The following SLC25A14 variants were observed in gnomAD, a reference collection of about 807,000 sequenced individuals.
SLC25A14 encodes solute carrier family 25 member 14.
SLC25A14 carries 8 observed loss-of-function variants against 28.1 expected under a neutral mutation model. The ratio of observed to expected loss-of-function variants is 0.28; its 90% CI spans 0.17 to 0.51. The LOEUF (loss-of-function observed/expected upper bound fraction) is 0.51. Ranked by LOEUF, SLC25A14 falls within the 20% of genes least tolerant of loss-of-function variation. SLC25A14 has a pLI of 0.97. For missense variants in SLC25A14, 135 were observed against 263.8 expected (o/e 0.51, Z 3.38); for synonymous variants, 74 against 90.6 (o/e 0.82, Z 1.04).
At chrX:130,342,646 A>G (rs750156420) in intron 2 of SLC25A14, among the ~76,000 whole-genome samples, 12 of 110,854 alleles carry the variant, frequency 1.1e-4, no homozygotes, top group Non-Finnish European at 2.1e-4. Context: ...TTTTCCTAAC[A>G]TTGGAGTGAA....
chrX:130,371,662 G>A lies in SLC25A14; in HGVS notation c.936+18G>A, dbSNP rs1347610387. ...ACATCATTGTATCCTTTGAGAGAAT[G>A]AAAGCAAGTGCTTCAAGCTCCCAGA... On this transcript the variant is annotated intron_variant, in intron 10 of 10. Transcript: ENST00000545805. 9.0e-7 allele frequency: 1 copy of A among 1,111,015 alleles called. No homozygotes were observed. The highest frequency in any genetic ancestry group is 1.8e-5 in the South Asian group (1 of 54,159). The allele number at this position is 1,111,015 out of a possible 1,213,427, so 91.6% of individuals were successfully genotyped here.
At chrX:130,350,444 T>A (rs990441085) in intron 5 of SLC25A14, among the ~76,000 whole-genome samples, 3 of 111,741 alleles carry the variant, frequency 2.7e-5, no homozygotes, top group African/African-American at 9.7e-5. Flanking sequence ...TTAGAAATGA[T>A]TTATATTTTA....
At chrX:130,343,392 A>G (rs149003340) in intron 2 of SLC25A14, among the ~76,000 whole-genome samples, 194 of 111,748 alleles carry the variant, frequency 1.7e-3, no homozygotes, top group African/African-American at 6.1e-3. Flanking sequence ...CAAGACTCCT[A>G]TTTCCAGCTG....
At chrX:130,358,200 C>T (rs963668977) in intron 6 of SLC25A14, among the ~76,000 whole-genome samples, 2 of 111,974 alleles carry the variant, frequency 1.8e-5, no homozygotes, top group Non-Finnish European at 3.8e-5. Context: ...TCAGTGTCAG[C>T]AAATACCATT....
chrX:130,368,965 C>A (rs1327071211), intron 9 of SLC25A14, among the ~76,000 whole-genome samples: 1 of 112,587 alleles, frequency 8.9e-6, no homozygotes, highest in African/African-American at 3.2e-5. Context: ...TAATAGCAGT[C>A]ATTCTTTAAA....
intron 8 of SLC25A14, 165 bp downstream of exon 8, chrX:130,364,917 C>T: frequency 9.9e-7 from 1 of 1,010,890 alleles, no homozygotes; most frequent in Non-Finnish European, 1.3e-6. Context: ...TTATACTTCA[C>T]AGAAATGCCA....
intron 10 of SLC25A14, among the ~76,000 whole-genome samples, chrX:130,372,146 G>A (rs1035760237): frequency 8.9e-6 from 1 of 112,208 alleles, no homozygotes; most frequent in Non-Finnish European, 1.9e-5. Context: ...TGTGTGTGGT[G>A]TTGTGTGTAT....
intron 6 of SLC25A14, among the ~76,000 whole-genome samples, chrX:130,353,138 A>C (rs1050129605): frequency 8.9e-6 from 1 of 111,948 alleles, no homozygotes; most frequent in African/African-American, 3.2e-5. Flanking sequence ...ATAGCTAGTC[A>C]GCTGTCCCAG....
rs774366850 is a variant in SLC25A14 at position 130,350,748 on chromosome X, G to A, written c.498+17G>A. ...GTTCTAAAGGTAAGAGAGATACAGTGTGATTTGAAAGGAGCATAACTTTGA... is the reference window on the plus strand; with the variant it reads ...GTTCTAAAGGTAAGAGAGATACAGTATGATTTGAAAGGAGCATAACTTTGA... On this transcript the variant is annotated intron_variant, in intron 6 of 10. Coordinates refer to ENST00000545805, the MANE Select transcript of SLC25A14 (RefSeq NM_001282195.2). 4.0e-5 allele frequency: 41 copies of A among 1,036,238 alleles called. No homozygotes were observed. Among genetic ancestry groups the A allele is most frequent in the Non-Finnish European group, 1.7e-5 (13 of 751,981 alleles). The allele number at this position is 1,036,238 out of a possible 1,213,427, so 85.4% of individuals were successfully genotyped here.
chrX:130,355,821 T>G (rs1355073439), intron 6 of SLC25A14, among the ~76,000 whole-genome samples: 8 of 112,242 alleles, frequency 7.1e-5, no homozygotes, highest in Non-Finnish European at 1.5e-4. Flanking sequence ...ATTTGCTTTT[T>G]GCCATTAACT....
At chrX:130,350,784 G>A (rs1276224758) in intron 6 of SLC25A14, 53 bp downstream of exon 6, 10 of 787,890 alleles carry the variant, frequency 1.3e-5, no homozygotes, top group Non-Finnish European at 1.9e-5. Context: ...GTCAGATTTG[G>A]GTTCAGATTC....
At chrX:130,347,230 A>T (rs1438789439) in intron 4 of SLC25A14, among the ~76,000 whole-genome samples, 1 of 111,231 alleles carries the variant, frequency 9.0e-6, no homozygotes, top group Non-Finnish European at 1.9e-5. Context: ...TTACTCAGAG[A>T]ATAGACATCA....
At chrX:130,348,780 A>ACC (rs3084881) in intron 4 of SLC25A14, among the ~76,000 whole-genome samples, 28 of 46,301 alleles carry the variant, frequency 6.0e-4, no homozygotes, top group Non-Finnish European at 7.0e-4. Flanking sequence ...TTGAGACTCT[A>ACC]CCCCCCCCCC....
intron 8 of SLC25A14, 134 bp downstream of exon 8, chrX:130,364,886 A>G: frequency 1.9e-6 from 2 of 1,076,078 alleles, no homozygotes; most frequent in Non-Finnish European, 2.4e-6. Flanking sequence ...TATTATCAGA[A>G]CTTCAAGCCT....
intron 7 of SLC25A14, among the ~76,000 whole-genome samples, chrX:130,360,121 G>T (rs2033925059): frequency 3.0e-5 from 3 of 99,982 alleles, no homozygotes; most frequent in Non-Finnish European, 6.0e-5. Flanking sequence ...TGCCTAGGCT[G>T]GTCTTGATCT....
At chrX:130,364,472 A>G (rs189048709) in intron 7 of SLC25A14, among the ~76,000 whole-genome samples, 156 bp from the exon 8 acceptor site, 5 of 111,131 alleles carry the variant, frequency 4.5e-5, no homozygotes, top group African/African-American at 9.8e-5. Context: ...GGAAATTTGT[A>G]TATGTTCCAT....
chrX:130,361,009 TTCATG>T (rs1290409672), intron 7 of SLC25A14, among the ~76,000 whole-genome samples: 3 of 112,130 alleles, frequency 2.7e-5, no homozygotes, highest in Non-Finnish European at 3.8e-5. Flanking sequence ...TTATAGGTAC[TTCATG>T]TAAGTGGAAT....
rs2033189340 is a variant in SLC25A14 at position 130,339,952 on chromosome X, C to T, written c.-197C>T. On this transcript the variant is annotated 5_prime_UTR_variant, in exon 1 of 11. Transcript: ENST00000545805. ...TTCCGACTGTGGGAGCCTCAGCTTC[C>T]CAGTCGTCCGATGAGCCCGAGCAGG... The T allele has an allele frequency of 1.2e-6, 1 of 852,570 alleles. No homozygotes were observed. Among genetic ancestry groups the T allele is most frequent in the Non-Finnish European group, 1.4e-6 (1 of 703,332 alleles). The allele number at this position is 852,570 out of a possible 1,213,427, so 70.3% of individuals were successfully genotyped here. A position where few individuals can be genotyped will look rare whatever the true frequency, so the allele number is the denominator to read the frequency against.
In SLC25A14 at chrX:130,358,738, A is replaced by G. The variant is rs1262434123; in HGVS notation, c.594+3A>G. On this transcript the variant is annotated splice_donor_region_variant and intron_variant, in intron 7 of 10. Coordinates refer to ENST00000545805, the MANE Select transcript of SLC25A14 (RefSeq NM_001282195.2). ...AAGGCACCAGGGGTCTGTGGAGGGT[A>G]AGTACTCTTTTCCTGCTATTATCCT... 8.8e-7 allele frequency: 1 copy of G among 1,130,306 alleles called. No individual in the cohort carries two copies. Among genetic ancestry groups the G allele is most frequent in the Admixed American group, 2.2e-5 (1 of 44,801 alleles). 93.1% of individuals were successfully genotyped at this position (1,130,306 alleles called of 1,213,427 possible). A position where few individuals can be genotyped will look rare whatever the true frequency, so the allele number is the denominator to read the frequency against.
Sources: gnomAD v4.1 joint callset for allele counts (sites outside exome capture counted in the v4.1 genomes callset) on GRCh38, gnomAD v4.1.1 for gene constraint, MANE v1.5 for transcripts, NCBI Gene and HGNC (gene_info 2026-07-23, HGNC 2026-07-21) for gene names.